The following IL34 variants were observed in gnomAD, a reference collection of about 807,000 sequenced individuals.
IL34 encodes interleukin 34, also known as interleukin-34.
Under a neutral mutation model 25.3 loss-of-function variants are expected in IL34, and 17 were observed. The observed-to-expected ratio is 0.67, with a 90% CI of 0.46 to 1.01. IL34 has a LOEUF of 1.01. IL34 is among the 50% of genes least tolerant of loss of function. IL34 has a pLI of 0.00. For synonymous variants in IL34, 174 were observed against 140.9 expected (o/e 1.23, Z -1.66); for missense variants, 368 against 312.9 (o/e 1.18, Z -1.33).
rs1021967447 is a variant in IL34, at chr16:70,621,945, G to T, written c.-400-24603G>T. Among the ~76,000 whole-genome samples the T allele has an allele frequency of 7.9e-5, 12 of 152,064 alleles. No homozygotes were observed. In the South Asian group the frequency reaches 8.3e-4, roughly 11 times the overall value. ...TTGTGGTGGAATGTCATCAGTTAAG[G>T]GGGGGCAGGGCATATTCACTTCTTT... On this transcript the variant is annotated intron_variant, in intron 1 of 6. Coordinates refer to the IL34 transcript ENST00000429149.
chr16:70,637,509 C>CT (rs1567457134), intron 1 of IL34, among the ~76,000 whole-genome samples: 1 of 137,240 alleles, frequency 7.3e-6, no homozygotes, highest in Admixed American at 7.1e-5. Flanking sequence ...TCAGGCCCGG[C>CT]TAATTTTATA....
intron 1 of IL34, among the ~76,000 whole-genome samples, chr16:70,621,557 CAG>C (rs950356753): frequency 6.6e-6 from 1 of 152,050 alleles, no homozygotes; most frequent in African/African-American, 2.4e-5. Context: ...AACAGGAGGA[CAG>C]GGGATTGATC....
At chr16:70,612,971 C>T (rs1160342157) in intron 1 of IL34, among the ~76,000 whole-genome samples, 1 of 152,142 alleles carries the variant, frequency 6.6e-6, no homozygotes, top group African/African-American at 2.4e-5. Flanking sequence ...CGGGGCTTCA[C>T]TGTGTTGGCC....
Position 70,656,596 on chromosome 16 carries a change from C to T in IL34, c.163-6C>T, listed in dbSNP as rs201142656. ...GGCCTCATAGTTTGTTCTTGTGCCT[C>T]TCCAGAAACACTACTTCCCCATCAA... is the stretch of plus-strand genomic sequence containing the variant. On this transcript the variant is annotated splice_region_variant and splice_polypyrimidine_tract_variant and intron_variant, in intron 2 of 5. Coordinates refer to ENST00000288098, the MANE Select transcript of IL34 (RefSeq NM_001393494.1). 996 of 1,242,828 alleles carry T rather than the reference C, an allele frequency of 8.0e-4. No individual in the cohort carries two copies. The highest frequency in any genetic ancestry group is 1.1e-3 in the Non-Finnish European group (917 of 840,450). The allele number at this position is 1,242,828 out of a possible 1,614,324, so 77.0% of individuals were successfully genotyped here.
chr16:70,586,843 A>C (rs898336893), intron 1 of IL34, among the ~76,000 whole-genome samples: 1 of 152,166 alleles, frequency 6.6e-6, no homozygotes, highest in Admixed American at 6.5e-5. Context: ...CGCAGGCGGG[A>C]GGTGGCAGTG....
At chr16:70,622,064 G>T (rs12596851) in intron 1 of IL34, among the ~76,000 whole-genome samples, 59,211 of 151,570 alleles carry the variant, frequency 0.39, 12,332 homozygotes, top group South Asian at 0.61. Context: ...GGCCTGACAG[G>T]TTTCACTGAA....
Position 70,657,041 on chromosome 16 carries a change from G to C in IL34, c.322G>C (p.Val108Leu). 1 of 1,612,840 alleles carries C rather than the reference G, an allele frequency of 6.2e-7. No homozygotes were observed. Among genetic ancestry groups the C allele is most frequent in the Non-Finnish European group, 8.5e-7 (1 of 1,179,994 alleles). The change falls in exon 4 of 6, where the codon GTG (valine) becomes CTG (leucine). Residue 108 changes from valine to leucine, a missense_variant. Physicochemically the swap from Val to Leu is conservative, Grantham distance 32. Coordinates refer to ENST00000288098, the MANE Select transcript of IL34 (RefSeq NM_001393494.1). ...CAGTGCCACTGAGTCGGTGCAGGAC[G>C]TGCTGCTCGAGGGCCACCCATCCTG... ...SLSATESVQD[V>L]LLEGHPSWKY...
chr16:70,645,713 A>AT (rs1036744807), upstream of IL34, among the ~76,000 whole-genome samples: 50 of 152,250 alleles, frequency 3.3e-4, no homozygotes, highest in African/African-American at 1.2e-3. Context: ...ATAAACTGAG[A>AT]TTTTGCACTT....
intron 1 of IL34, among the ~76,000 whole-genome samples, chr16:70,628,466 TG>T (rs200092537): frequency 0.015 from 2,196 of 151,034 alleles, 59 homozygotes; most frequent in African/African-American, 0.051. Context: ...TGTGTGGGTT[TG>T]TTTTTATTTA....
rs2052242881 is a variant in IL34 at position 70,656,966 on chromosome 16, G to T, written c.247G>T (p.Ala83Ser). The change falls in exon 4 of 6, where the codon GCC (alanine) becomes TCC (serine). Residue 83 changes from alanine (A) to serine (S), a missense_variant. Coordinates refer to ENST00000288098, the MANE Select transcript of IL34 (RefSeq NM_001393494.1). ...GACTTCCCTGTTTCCGCAGCAGAGG[G>T]CCCAGGTGAGCGAGCGGGAGCTGCG... ...RIANVTRLQR[A>S]QVSERELRYL... The T allele has an allele frequency of 6.2e-7, 1 of 1,608,306 alleles. No homozygotes were observed. Among genetic ancestry groups the T allele is most frequent in the East Asian group, 2.2e-5 (1 of 44,792 alleles).
chr16:70,607,969 T>C (rs1051110469), intron 1 of IL34, among the ~76,000 whole-genome samples: 4 of 151,992 alleles, frequency 2.6e-5, no homozygotes, highest in Non-Finnish European at 4.4e-5. Context: ...GGTTTTGCCA[T>C]GTTGGCCAGG....
At chr16:70,592,305 C>T (rs1294771815) in intron 1 of IL34, among the ~76,000 whole-genome samples, 3 of 152,094 alleles carry the variant, frequency 2.0e-5, no homozygotes, top group Non-Finnish European at 2.9e-5. Flanking sequence ...GCCTCCTGTT[C>T]TACTCGCCCT....
Position 70,592,750 on chromosome 16 carries a change from G to A in IL34, c.-401+12701G>A, listed in dbSNP as rs1011777653. ...GCTCACTGCAGCCTCTGCCTCCTGG[G>A]TGCAAGCGATTCTCCTGCCTCAGCC... On this transcript the variant is annotated intron_variant, in intron 1 of 6. Coordinates refer to the IL34 transcript ENST00000429149. Among the ~76,000 whole-genome samples the A allele has an allele frequency of 2.0e-5, 3 of 152,080 alleles. No individual in the cohort carries two copies. In the East Asian group the frequency reaches 5.8e-4, roughly 29 times the overall value.
At chr16:70,581,726 A>G (rs2050637602) in intron 1 of IL34, among the ~76,000 whole-genome samples, 1 of 152,166 alleles carries the variant, frequency 6.6e-6, no homozygotes, top group African/African-American at 2.4e-5. Context: ...CTGCCTGACC[A>G]TGAACTTCCA....
At chr16:70,631,097 G>T (rs553407796) in intron 1 of IL34, among the ~76,000 whole-genome samples, 1 of 152,194 alleles carries the variant, frequency 6.6e-6, no homozygotes, top group African/African-American at 2.4e-5. Flanking sequence ...ATCCATGGAC[G>T]CAGAAGACTG....
At chr16:70,633,936 C>T (rs12923630) in intron 1 of IL34, among the ~76,000 whole-genome samples, 50,502 of 151,744 alleles carry the variant, frequency 0.33, 8,541 homozygotes, top group South Asian at 0.46. Flanking sequence ...CTGCAACCTC[C>T]GCCTCCTGGG....
intron 1 of IL34, among the ~76,000 whole-genome samples, chr16:70,592,091 C>T (rs1028438117): frequency 6.6e-6 from 1 of 151,844 alleles, no homozygotes; most frequent in African/African-American, 2.4e-5. Context: ...CTCCCCCCAC[C>T]ACCTGCTCCA....
intron 1 of IL34, among the ~76,000 whole-genome samples, chr16:70,632,618 A>C (rs2051545373): frequency 6.6e-6 from 1 of 152,162 alleles, no homozygotes. Context: ...AGCATCTGCA[A>C]AGTGGGTCTC....
chr16:70,652,855 C>T (rs186538175), intron 1 of IL34, among the ~76,000 whole-genome samples: 1 of 152,300 alleles, frequency 6.6e-6, no homozygotes, highest in Non-Finnish European at 1.5e-5. Context: ...CTTTCCAGGA[C>T]AGCACTTGTC....
Sources: gnomAD v4.1 joint callset for allele counts (sites outside exome capture counted in the v4.1 genomes callset) on GRCh38, gnomAD v4.1.1 for gene constraint, MANE v1.5 for transcripts, NCBI Gene and HGNC (gene_info 2026-07-23, HGNC 2026-07-21) for gene names.